Variants in LRRN3 observed in about 807,000 individuals in gnomAD.
The protein encoded by LRRN3 is leucine rich repeat neuronal 3, also known as leucine-rich repeat neuronal protein 3.
LRRN3 carries 15 observed loss-of-function variants against 40.1 expected under a neutral mutation model. That is an observed-to-expected ratio of 0.37 (90% CI 0.25 to 0.58). The LOEUF (loss-of-function observed/expected upper bound fraction) is 0.58, where lower values mean the gene tolerates loss of function less well. Among genes scored for constraint, LRRN3 ranks in the 20% least tolerant of loss-of-function variants. The pLI is 0.72. For missense variants in LRRN3, 746 were observed against 837.7 expected, an observed-to-expected ratio of 0.89 and a Z score of 1.35; for synonymous variants, 308 against 297.2, an observed-to-expected ratio of 1.04 and a Z score of -0.37.
chr7:111,106,462 A>G (rs889995436), intron 2 of LRRN3, among the ~76,000 whole-genome samples: 4 of 151,830 alleles, frequency 2.6e-5, no homozygotes, highest in African/African-American at 9.7e-5. Flanking sequence ...CAGTCCAATT[A>G]AAAACAAACA....
At chr7:111,113,975 A>G (rs961132989) in intron 2 of LRRN3, among the ~76,000 whole-genome samples, 1 of 152,212 alleles carries the variant, frequency 6.6e-6, no homozygotes, top group Non-Finnish European at 1.5e-5. Context: ...TGAAATGTGT[A>G]AAATACAAAT....
At chr7:111,114,177 A>T (rs910047476) in intron 2 of LRRN3, among the ~76,000 whole-genome samples, 4 of 151,920 alleles carry the variant, frequency 2.6e-5, no homozygotes, top group African/African-American at 9.7e-5. Flanking sequence ...TGCCAGGAAA[A>T]CAATGATTTC....
chr7:111,106,056 C>G (rs946069739), intron 2 of LRRN3, among the ~76,000 whole-genome samples: 2 of 151,944 alleles, frequency 1.3e-5, no homozygotes, highest in African/African-American at 4.8e-5. Context: ...TGTAATATCA[C>G]AGTAACACAT....
At chr7:111,104,610 C>T (rs1798339953) in intron 2 of LRRN3, among the ~76,000 whole-genome samples, 1 of 151,650 alleles carries the variant, frequency 6.6e-6, no homozygotes, top group Non-Finnish European at 1.5e-5. Flanking sequence ...CATCATTAAT[C>T]CCCCTATCTA....
chr7:111,122,705 A>G lies in LRRN3; in HGVS notation c.-68A>G, dbSNP rs1800796277. The G allele has an allele frequency of 4.9e-6, 6 of 1,228,810 alleles. No homozygotes were observed. The African/African-American group carries it at 6.1e-5, about 12-fold the overall frequency. The allele number at this position is 1,228,810 out of a possible 1,614,324, so 76.1% of individuals were successfully genotyped here. ...GCATCTTCCTTATCAATCAGCTCCT[A>G]TTGAACTTACTAGCACTGACTGTGG... On this transcript the variant is annotated 5_prime_UTR_variant, in exon 3 of 3. Transcript: ENST00000308478.
At chr7:111,103,932 C>A (rs938354398) in intron 2 of LRRN3, among the ~76,000 whole-genome samples, 1 of 151,354 alleles carries the variant, frequency 6.6e-6, no homozygotes, top group African/African-American at 2.4e-5. Context: ...TTTGAGAGTA[C>A]CAGAGAGCAA....
intron 2 of LRRN3, among the ~76,000 whole-genome samples, chr7:111,119,164 G>A (rs1800270431): frequency 1.3e-5 from 2 of 152,110 alleles, no homozygotes; most frequent in South Asian, 4.1e-4. Context: ...CAGAAGTAAT[G>A]GTTTCTCCAT....
At chr7:111,110,677 A>T (rs1799095769) in intron 2 of LRRN3, among the ~76,000 whole-genome samples, 1 of 152,216 alleles carries the variant, frequency 6.6e-6, no homozygotes, top group Admixed American at 6.5e-5. Flanking sequence ...GAATGTTTCT[A>T]CATATATGAA....
rs1366636152 is a variant in LRRN3 at position 111,123,853 on chromosome 7, A to C, written c.1081A>C (p.Lys361Gln). 5.6e-6 allele frequency: 9 copies of C among 1,613,820 alleles called. No homozygotes were observed. Among genetic ancestry groups the C allele is most frequent in the Non-Finnish European group, 6.8e-6 (8 of 1,179,970 alleles). ...TACCATTGAGTCTCTGCCAAACCTC[A>C]AGGAAATCAGCATACACAGTAACCC... ...HGTIESLPNLKEISIHSNPIR... is the reference protein window; with the variant it reads ...HGTIESLPNLQEISIHSNPIR... The change falls in exon 3 of 3, where the codon AAG (lysine) becomes CAG (glutamine). Residue 361 changes from lysine (K) to glutamine (Q), a missense_variant. Coordinates refer to ENST00000308478, the MANE Select transcript of LRRN3 (RefSeq NM_001099658.2). The surrounding 1 kb of genome is among the most constrained non-coding windows in gnomAD (Gnocchi z 6.4).
chr7:111,119,823 G>C (rs1019614335), intron 2 of LRRN3, among the ~76,000 whole-genome samples: 3 of 152,160 alleles, frequency 2.0e-5, no homozygotes, highest in African/African-American at 7.2e-5. Flanking sequence ...CCTGGTGAAG[G>C]AAAGGATCAA....
chr7:111,123,838 T>C lies in LRRN3; in HGVS notation c.1066T>C (p.Ser356Pro), dbSNP rs1800952560. The change falls in exon 3 of 3, where the codon TCT (serine) becomes CCT (proline). Residue 356 changes from serine (S) to proline (P), a missense_variant. Transcript: ENST00000308478. The surrounding 1 kb of genome is among the most constrained non-coding windows in gnomAD (Gnocchi z 6.4). ...LSALYHGTIE[S>P]LPNLKEISIH... ...TGCCCTGTACCATGGTACCATTGAG[T>C]CTCTGCCAAACCTCAAGGAAATCAG... The C allele has an allele frequency of 6.2e-7, 1 of 1,613,756 alleles. No individual in the cohort carries two copies. The highest frequency in any genetic ancestry group is 1.3e-5 in the African/African-American group (1 of 74,874).
chr7:111,109,333 T>C (rs1011776276), intron 2 of LRRN3, among the ~76,000 whole-genome samples: 8 of 152,006 alleles, frequency 5.3e-5, no homozygotes, highest in Non-Finnish European at 1.0e-4. Flanking sequence ...AACCCAATCA[T>C]CATGCTTACG....
At chr7:111,097,096 C>A (rs1195650348) in intron 1 of LRRN3, 1 of 151,756 alleles carries the variant, frequency 6.6e-6, no homozygotes, top group Non-Finnish European at 1.5e-5. Flanking sequence ...CCACTTTTTG[C>A]ATGTTTGCAT....
At chr7:111,106,315 A>G (rs567191169) in intron 2 of LRRN3, among the ~76,000 whole-genome samples, 91 of 152,074 alleles carry the variant, frequency 6.0e-4, no homozygotes, top group African/African-American at 2.0e-3. Context: ...AAGTTTGACA[A>G]CTTTTCAAAC....
At chr7:111,101,723 A>C (rs547732290) in intron 2 of LRRN3, among the ~76,000 whole-genome samples, 2 of 151,600 alleles carry the variant, frequency 1.3e-5, no homozygotes, top group East Asian at 3.9e-4. Flanking sequence ...GTATAGCTAA[A>C]TGAGTTAGGG....
At chr7:111,098,963 T>C (rs1217774491) in intron 1 of LRRN3, among the ~76,000 whole-genome samples, 1 of 151,804 alleles carries the variant, frequency 6.6e-6, no homozygotes, top group Non-Finnish European at 1.5e-5. Flanking sequence ...TACTAGAATA[T>C]TATACCTTTG....
Position 111,124,982 on chromosome 7 carries a change from C to T in LRRN3, c.*83C>T. 2 of 953,518 alleles carry T rather than the reference C, an allele frequency of 2.1e-6. No homozygotes were observed. Among genetic ancestry groups the T allele is most frequent in the South Asian group, 3.8e-5 (2 of 53,160 alleles). 59.1% of individuals were successfully genotyped at this position (953,518 alleles called of 1,614,324 possible). The stretch of plus-strand genomic sequence containing the variant: ...CAGTTGTGCTAAAAACAAAACAAAA[C>T]AAACAAACAAACAAAAAAGTAAAAA... On this transcript the variant is annotated 3_prime_UTR_variant, in exon 3 of 3. Coordinates refer to ENST00000308478, the MANE Select transcript of LRRN3 (RefSeq NM_001099658.2).
rs1250796007 is a variant in LRRN3, at chr7:111,122,816, C to A, written c.44C>A (p.Ala15Asp). ...CGAATTCATGTGCTACTTGGCCTAG[C>A]TATCACTACACTAGTACAAGCTGTA... ...PLRIHVLLGL[A>D]ITTLVQAVDK... The change falls in exon 3 of 3, where the codon GCT becomes GAT. Residue 15 changes from alanine to aspartate, a missense_variant. Ala to Asp is a moderately radical substitution (Grantham distance 126). Coordinates refer to ENST00000308478, the MANE Select transcript of LRRN3 (RefSeq NM_001099658.2). The A allele has an allele frequency of 1.9e-6, 3 of 1,613,668 alleles. No individual in the cohort carries two copies. The Admixed American group carries it at 5.0e-5, about 27-fold the overall frequency.
chr7:111,096,526 A>G (rs1166261869), intron 1 of LRRN3, among the ~76,000 whole-genome samples: 1 of 151,572 alleles, frequency 6.6e-6, no homozygotes. Context: ...AAAAAACAAA[A>G]CAAAACCCAC....
Sources: allele counts gnomAD v4.1 joint callset (sites outside exome capture counted in the v4.1 genomes callset), GRCh38; gene constraint gnomAD v4.1.1; non-coding constraint Gnocchi (gnomAD v3.1); transcripts MANE v1.5; gene names NCBI Gene and HGNC (gene_info 2026-07-23, HGNC 2026-07-21).